Variants in FDFT1 observed in about 807,000 individuals in gnomAD.
FDFT1 encodes farnesyl-diphosphate farnesyltransferase 1, also known as squalene synthase.
A neutral mutation model predicts 46.8 loss-of-function variants in FDFT1; 68 were observed. That is an observed-to-expected ratio of 1.45 (90% CI 1.19 to 1.78). FDFT1 has a LOEUF of 1.78. FDFT1 is among the 40% of genes most tolerant of loss of function. The pLI is 0.00. For missense variants in FDFT1, 928 were observed against 524.4 expected, an observed-to-expected ratio of 1.77 and a Z score of -7.52; for synonymous variants, 351 against 185.1, an observed-to-expected ratio of 1.90 and a Z score of -7.28.
In FDFT1 at chr8:11,809,869, C is replaced by T. The variant is rs771600798; in HGVS notation, c.381+19C>T. ...CCCAACGGTGAGTGGGGTTACGCAT[C>T]TTGTCTACGGACTGTTGTGTTCATA... is the stretch of plus-strand genomic sequence containing the variant. On this transcript the variant is annotated intron_variant, in intron 3 of 7. Transcript: ENST00000220584. 2 of 1,593,992 alleles carry T rather than the reference C, an allele frequency of 1.3e-6. No homozygotes were observed. The highest frequency in any genetic ancestry group is 2.2e-5 in the South Asian group (2 of 89,468).
chr8:11,810,643 A>G (rs529159826), intron 3 of FDFT1, among the ~76,000 whole-genome samples: 1 of 152,308 alleles, frequency 6.6e-6, no homozygotes, highest in South Asian at 2.1e-4. Flanking sequence ...CCTCAAGTTC[A>G]TGTGGACATC....
chr8:11,828,577 G>T (rs1028949870), intron 5 of FDFT1, among the ~76,000 whole-genome samples: 7 of 152,242 alleles, frequency 4.6e-5, no homozygotes, highest in African/African-American at 1.7e-4. Flanking sequence ...GGCATGTGAT[G>T]CATGAGCGTG....
intron 4 of FDFT1, among the ~76,000 whole-genome samples, chr8:11,823,345 C>T (rs1379118568): frequency 2.6e-5 from 4 of 152,066 alleles, no homozygotes; most frequent in African/African-American, 9.7e-5. Flanking sequence ...CTATTATCTT[C>T]AAATATATTT....
chr8:11,797,413 G>A (rs969919636), upstream of FDFT1, among the ~76,000 whole-genome samples: 2 of 152,122 alleles, frequency 1.3e-5, no homozygotes, highest in Non-Finnish European at 2.9e-5. Context: ...TAACATGTCT[G>A]TTTCTTCCTC....
rs546470611 is a variant in FDFT1 at position 11,837,962 on chromosome 8, C to G, written c.1033-426C>G. 4.8e-4 allele frequency among the ~76,000 whole-genome samples: 73 copies of G among 152,302 alleles called. 2 individuals are homozygous for G. In the South Asian group the frequency reaches 0.014, roughly 29 times the overall value. The stretch of plus-strand genomic sequence containing the variant: ...CTGTCCCCCTTTGTCAAGCTGTGGT[C>G]TGTACTGCGTGTTCCATCTTGTTTC... On this transcript the variant is annotated intron_variant, in intron 7 of 7. Transcript: ENST00000220584.
chr8:11,815,875 G>T (rs182432112), intron 3 of FDFT1, among the ~76,000 whole-genome samples: 1 of 152,306 alleles, frequency 6.6e-6, no homozygotes, highest in East Asian at 1.9e-4. Context: ...AGTTGAATTA[G>T]ATCCCATTTG....
intron 3 of FDFT1, among the ~76,000 whole-genome samples, chr8:11,814,029 G>C (rs979626911): frequency 6.6e-6 from 1 of 152,200 alleles, no homozygotes; most frequent in Admixed American, 6.5e-5. Flanking sequence ...TGGAAGGATA[G>C]GTGAAGTTCA....
intron 7 of FDFT1, among the ~76,000 whole-genome samples, chr8:11,833,304 G>T (rs1451042141): frequency 6.6e-6 from 1 of 152,178 alleles, no homozygotes; most frequent in African/African-American, 2.4e-5. Context: ...CATGGCTAGG[G>T]TCATAATTTG....
At chr8:11,813,436 G>A (rs1011092269) in intron 3 of FDFT1, among the ~76,000 whole-genome samples, 6 of 152,056 alleles carry the variant, frequency 3.9e-5, no homozygotes, top group African/African-American at 1.5e-4. Flanking sequence ...CGTTTAACAG[G>A]GAAATTACCT....
chr8:11,831,895 A>G (rs904938994), intron 7 of FDFT1: 34 of 458,292 alleles, frequency 7.4e-5, no homozygotes, highest in Admixed American at 6.2e-4. Context: ...AAATGGAGCA[A>G]GGCTGTAGGT....
intron 4 of FDFT1, 100 bp from the exon 5 acceptor site, chr8:11,825,924 A>T: frequency 1.5e-6 from 1 of 667,106 alleles, no homozygotes; most frequent in Non-Finnish European, 2.3e-6. Context: ...ATTCTTACCC[A>T]TTCTCTTTTG....
chr8:11,808,772 C>G (rs369152883), intron 1 of FDFT1, 22 bp from the exon 2 acceptor site: 23 of 1,612,170 alleles, frequency 1.4e-5, no homozygotes, highest in African/African-American at 4.0e-5. Flanking sequence ...CTCCCACCGC[C>G]GTGTGTGTTG....
chr8:11,796,282 T>C (rs1805558756), intron 1 of FDFT1, among the ~76,000 whole-genome samples: 1 of 152,226 alleles, frequency 6.6e-6, no homozygotes, highest in African/African-American at 2.4e-5. Context: ...GTTCTGAGCT[T>C]TCTAGGACTG....
At chr8:11,797,330 A>G (rs79558745), upstream of FDFT1, among the ~76,000 whole-genome samples, 525 of 152,286 alleles carry the variant, frequency 3.4e-3, 4 homozygotes, top group African/African-American at 0.012. Context: ...TCGTATGTTC[A>G]GCTTCCAAGT....
upstream of FDFT1, among the ~76,000 whole-genome samples, chr8:11,801,100 G>C (rs868307367): frequency 3.3e-5 from 5 of 152,180 alleles, no homozygotes; most frequent in South Asian, 2.1e-4. Context: ...GAGCAGACTC[G>C]AGGGGCACAG....
At chr8:11,816,243 C>T (rs1808429830) in intron 3 of FDFT1, among the ~76,000 whole-genome samples, 1 of 152,142 alleles carries the variant, frequency 6.6e-6, no homozygotes, top group Non-Finnish European at 1.5e-5. Context: ...GTTTTGGTAC[C>T]AGTACCATGC....
intron 2 of FDFT1, chr8:11,809,461 T>A: frequency 7.7e-7 from 1 of 1,293,394 alleles, no homozygotes; most frequent in African/African-American, 1.5e-5. Flanking sequence ...GTAGGCTTTT[T>A]AATAAACTAC....
At chr8:11,802,669 C>T (rs1343515250), upstream of FDFT1, 9 of 627,662 alleles carry the variant, frequency 1.4e-5, 1 homozygote, top group South Asian at 1.1e-4. Flanking sequence ...GCGGCCGAGG[C>T]CGGTTGAAGT....
chr8:11,807,053 C>G (rs948843638), intron 1 of FDFT1, among the ~76,000 whole-genome samples: 1 of 151,770 alleles, frequency 6.6e-6, no homozygotes, highest in Non-Finnish European at 1.5e-5. Flanking sequence ...TTCACTTAAA[C>G]CTCCCACCAG....
Sources: gnomAD v4.1 joint callset for allele counts (sites outside exome capture counted in the v4.1 genomes callset) on GRCh38, gnomAD v4.1.1 for gene constraint, MANE v1.5 for transcripts, NCBI Gene and HGNC (gene_info 2026-07-23, HGNC 2026-07-21) for gene names.